PTPRG: variants seen among roughly 807,000 people sequenced by gnomAD.
PTPRG encodes the protein protein tyrosine phosphatase receptor type G, also known as receptor-type tyrosine-protein phosphatase gamma.
PTPRG carries 102 observed loss-of-function variants against 165.3 expected under a neutral mutation model. The observed-to-expected ratio is 0.62, with a 90% CI of 0.53 to 0.73. The LOEUF (loss-of-function observed/expected upper bound fraction) is 0.73. PTPRG is among the 30% of genes least tolerant of loss of function. The pLI, the probability that PTPRG is intolerant of heterozygous loss-of-function variation, is 0.00. For missense variants in PTPRG, 1,866 were observed against 1,861.4 expected (o/e 1.00, Z -0.05); for synonymous variants, 675 against 669.5 (o/e 1.01, Z -0.13).
At chr3:61,948,112 G>A (rs747828035) in intron 2 of PTPRG, among the ~76,000 whole-genome samples, 13 of 152,078 alleles carry the variant, frequency 8.5e-5, no homozygotes, top group Admixed American at 2.0e-4. Context: ...ATCACCTGAG[G>A]TCGGGAGTTC....
intron 7 of PTPRG, among the ~76,000 whole-genome samples, chr3:62,158,461 T>C (rs1704622903): frequency 1.3e-5 from 2 of 152,202 alleles, no homozygotes; most frequent in South Asian, 2.1e-4. Context: ...ATTGTTCTAG[T>C]ACCAGTTGAC....
At chr3:61,780,782 A>C (rs1366522879) in intron 2 of PTPRG, among the ~76,000 whole-genome samples, 2 of 152,184 alleles carry the variant, frequency 1.3e-5, no homozygotes, top group Non-Finnish European at 2.9e-5. Flanking sequence ...GAAAAACTTA[A>C]TTCTTAGGCA....
chr3:62,083,142 TGTTA>T (rs752845656), intron 5 of PTPRG, among the ~76,000 whole-genome samples: 6 of 152,270 alleles, frequency 3.9e-5, no homozygotes, highest in Non-Finnish European at 8.8e-5. Flanking sequence ...ATTTTTTATT[TGTTA>T]AAGTAAAACT....
At chr3:61,577,835 T>A (rs1700201427) in intron 1 of PTPRG, among the ~76,000 whole-genome samples, 1 of 152,238 alleles carries the variant, frequency 6.6e-6, no homozygotes, top group Non-Finnish European at 1.5e-5. Flanking sequence ...AGAGAAACTC[T>A]TGTAATTGAT....
intron 12 of PTPRG, among the ~76,000 whole-genome samples, chr3:62,206,933 A>AAAACAAAAAAAAAC (rs1700246949): frequency 6.8e-6 from 1 of 146,172 alleles, no homozygotes; most frequent in African/African-American, 2.7e-5. Context: ...AAAAAAAAAA[A>AAAACAAAAAAAAAC]AAAAAAGAAG....
intron 4 of PTPRG, among the ~76,000 whole-genome samples, chr3:62,019,164 G>A (rs949284504): frequency 6.6e-6 from 1 of 152,118 alleles, no homozygotes; most frequent in Non-Finnish European, 1.5e-5. Context: ...AATTCCTGAG[G>A]TCCCTCTGCG....
intron 4 of PTPRG, among the ~76,000 whole-genome samples, chr3:62,044,823 ATT>A (rs1201180506): frequency 5.9e-5 from 9 of 152,058 alleles, no homozygotes; most frequent in Admixed American, 2.0e-4. Flanking sequence ...ACCCTTCTGT[ATT>A]CTTATTTACT....
chr3:61,629,660 G>C (rs1701713209), intron 1 of PTPRG, among the ~76,000 whole-genome samples: 1 of 152,218 alleles, frequency 6.6e-6, no homozygotes, highest in Non-Finnish European at 1.5e-5. Flanking sequence ...TGTGGGCATT[G>C]ACAGGAAGGC....
At chr3:61,757,864 G>A (rs543186964) in intron 2 of PTPRG, among the ~76,000 whole-genome samples, 34 of 152,216 alleles carry the variant, frequency 2.2e-4, no homozygotes, top group South Asian at 1.7e-3. Context: ...GGGTGTGCGC[G>A]TGGGTGGAAG....
At chr3:61,919,475 C>T (rs1013177710) in intron 2 of PTPRG, among the ~76,000 whole-genome samples, 2 of 152,142 alleles carry the variant, frequency 1.3e-5, no homozygotes, top group Non-Finnish European at 1.5e-5. Flanking sequence ...AGGGTCTAAA[C>T]AGCTTTGTGC....
At chr3:62,084,123 T>C (rs139643264) in intron 5 of PTPRG, among the ~76,000 whole-genome samples, 1 of 152,358 alleles carries the variant, frequency 6.6e-6, no homozygotes, top group African/African-American at 2.4e-5. Flanking sequence ...CCTTTATGGC[T>C]GTGGTCAGTT....
At chr3:61,827,310 T>C (rs765214352) in intron 2 of PTPRG, among the ~76,000 whole-genome samples, 2 of 152,200 alleles carry the variant, frequency 1.3e-5, no homozygotes, top group Non-Finnish European at 2.9e-5. Flanking sequence ...GTGGTAAATA[T>C]AGGGCTTTGA....
In PTPRG at chr3:62,273,565, C is replaced by T. The variant is rs1184572902; in HGVS notation, c.3319-133C>T. 6.0e-6 allele frequency: 5 copies of T among 839,844 alleles called. No individual in the cohort carries two copies. The highest frequency in any genetic ancestry group is 9.7e-6 in the Non-Finnish European group (5 of 512,954). The allele number at this position is 839,844 out of a possible 1,614,324, so 52.0% of individuals were successfully genotyped here. ...ATAAAGTGAGTATTGGAGCAAATCA[C>T]CTAGCTGTAAGTGCTTGAAGGAAAT... On this transcript the variant is annotated intron_variant, in intron 22 of 29. Transcript: ENST00000474889. This position sits in a 1 kb window ranked among gnomAD's most constrained non-coding sequence, Gnocchi z 4.1.
intron 5 of PTPRG, among the ~76,000 whole-genome samples, chr3:62,112,113 T>A (rs1702689058): frequency 6.6e-6 from 1 of 152,048 alleles, no homozygotes; most frequent in Non-Finnish European, 1.5e-5. Flanking sequence ...TTCTTCTTTT[T>A]TTTTTGAAAT....
chr3:61,671,066 A>G (rs1702966381), intron 1 of PTPRG, among the ~76,000 whole-genome samples: 1 of 151,340 alleles, frequency 6.6e-6, no homozygotes, highest in Non-Finnish European at 1.5e-5. Flanking sequence ...GGAATAAAAA[A>G]TCTTCGGCAT....
At chr3:61,654,782 C>CTT (rs5849443) in intron 1 of PTPRG, among the ~76,000 whole-genome samples, 5,070 of 129,328 alleles carry the variant, frequency 0.039, 351 homozygotes, top group African/African-American at 0.12. Flanking sequence ...TGTGCTTTTT[C>CTT]TTTTTTTTTT....
rs778022513 is a variant in PTPRG at position 62,240,896 on chromosome 3, A to C, written c.2376-2911A>C. On this transcript the variant is annotated intron_variant, in intron 14 of 29. Coordinates refer to ENST00000474889, the MANE Select transcript of PTPRG (RefSeq NM_002841.4). This position sits in a 1 kb window ranked among gnomAD's most constrained non-coding sequence, Gnocchi z 5.1. ...TCATTGCTCTTGACTATTTGAAGCA[A>C]TTTATTTGCTTGTTGTGGATTTTTC... is the stretch of plus-strand genomic sequence containing the variant. Among the ~76,000 whole-genome samples the C allele has an allele frequency of 3.2e-4, 49 of 152,152 alleles. No homozygotes were observed. The highest frequency in any genetic ancestry group is 6.3e-4 in the Non-Finnish European group (43 of 68,040).
At chr3:61,741,001 A>T (rs960486965) in intron 1 of PTPRG, among the ~76,000 whole-genome samples, 1 of 152,188 alleles carries the variant, frequency 6.6e-6, no homozygotes, top group Non-Finnish European at 1.5e-5. Context: ...ACTACAATTG[A>T]TTGAAATACA....
At chr3:61,944,740 A>G (rs961144098) in intron 2 of PTPRG, among the ~76,000 whole-genome samples, 2 of 152,196 alleles carry the variant, frequency 1.3e-5, no homozygotes, top group Non-Finnish European at 2.9e-5. Flanking sequence ...GGAATGTACT[A>G]TCACTGGCAA....
Sources: gnomAD v4.1 joint callset for allele counts (sites outside exome capture counted in the v4.1 genomes callset) on GRCh38, gnomAD v4.1.1 for gene constraint, Gnocchi (gnomAD v3.1) non-coding constraint, MANE v1.5 for transcripts, NCBI Gene and HGNC (gene_info 2026-07-23, HGNC 2026-07-21) for gene names.